RAB27B: variants seen among roughly 807,000 people sequenced by gnomAD.
RAB27B encodes ras-related protein Rab-27B.
A neutral mutation model predicts 24.6 loss-of-function variants in RAB27B; 15 were observed. The observed-to-expected ratio is 0.61, with a 90% confidence interval of 0.41 to 0.94. The LOEUF (loss-of-function observed/expected upper bound fraction) is 0.94. Ranked by LOEUF, RAB27B falls within the 40% of genes least tolerant of loss-of-function variation. The probability of loss-of-function intolerance (pLI) is 0.00; values close to 1 mark genes in which losing one functional copy is unlikely to be tolerated. For missense variants in RAB27B, 261 were observed against 266.8 expected (o/e 0.98, Z 0.15); for synonymous variants, 105 against 92.5 (o/e 1.14, Z -0.78).
chr18:54,812,274 C>T (rs536344439), intron 2 of RAB27B, among the ~76,000 whole-genome samples: 6 of 142,988 alleles, frequency 4.2e-5, no homozygotes, highest in African/African-American at 7.5e-5. Flanking sequence ...TTTGAGTTTC[C>T]GGGTTCTCTT....
intron 2 of RAB27B, among the ~76,000 whole-genome samples, chr18:54,795,619 T>G (rs1909391905): frequency 6.6e-6 from 1 of 152,212 alleles, no homozygotes; most frequent in Non-Finnish European, 1.5e-5. Flanking sequence ...CTAGTAAGTT[T>G]CAATCCTTTG....
intron 2 of RAB27B, among the ~76,000 whole-genome samples, chr18:54,812,398 G>A (rs780837078): frequency 4.6e-5 from 7 of 152,076 alleles, no homozygotes; most frequent in Non-Finnish European, 8.8e-5. Flanking sequence ...GGAGTTTTAC[G>A]AGTAAAGAAA....
At chr18:54,875,404 A>G (rs1912652979) in intron 1 of RAB27B, among the ~76,000 whole-genome samples, 1 of 152,182 alleles carries the variant, frequency 6.6e-6, no homozygotes, top group African/African-American at 2.4e-5. Flanking sequence ...GACATTTTCC[A>G]ATGTCTGTAT....
At chr18:54,818,460 G>T (rs1455930551) in intron 2 of RAB27B, among the ~76,000 whole-genome samples, 1 of 151,988 alleles carries the variant, frequency 6.6e-6, no homozygotes, top group Non-Finnish European at 1.5e-5. Context: ...AAATGATGAA[G>T]TTCCATATTT....
chr18:54,839,898 C>T (rs1911041522), intron 1 of RAB27B, among the ~76,000 whole-genome samples: 1 of 152,152 alleles, frequency 6.6e-6, no homozygotes, highest in Non-Finnish European at 1.5e-5. Context: ...TACACTATAG[C>T]ATAATGTCTA....
At chr18:54,813,834 A>ATT (rs960665312) in intron 2 of RAB27B, among the ~76,000 whole-genome samples, 1 of 152,004 alleles carries the variant, frequency 6.6e-6, no homozygotes, top group Admixed American at 6.6e-5. Flanking sequence ...CCAGGTTATC[A>ATT]TTTTTTTTAA....
chr18:54,850,689 G>A (rs1483716530), intron 1 of RAB27B, among the ~76,000 whole-genome samples: 2 of 151,388 alleles, frequency 1.3e-5, no homozygotes, highest in Admixed American at 6.6e-5. Context: ...TTTTGCCAGT[G>A]TGTCATGTTT....
Position 54,795,436 on chromosome 18 carries a change from C to CCAAGGGGATGGG in RAB27B, c.-20+77296_-20+77307dup, listed in dbSNP as rs140102018. On this transcript the variant is annotated intron_variant, in intron 2 of 4. Transcript: ENST00000586570. ...GAAAGGCTTTGATCAGGTGCTACAG[C>CCAAGGGGATGGG]CAAGGGGATGGGAGATCAGTCTCAA... Among the ~76,000 whole-genome samples, 632 of 152,204 alleles carry CCAAGGGGATGGG rather than the reference C, an allele frequency of 4.2e-3. 4 individuals carry two copies. The highest frequency in any genetic ancestry group is 0.014 in the African/African-American group (595 of 41,514).
At chr18:54,731,164 A>G (rs1269844892) in intron 2 of RAB27B, among the ~76,000 whole-genome samples, 1 of 152,220 alleles carries the variant, frequency 6.6e-6, no homozygotes, top group Non-Finnish European at 1.5e-5. Context: ...TTAAAGCAGA[A>G]AAAATTTAGG....
At chr18:54,863,734 T>C (rs1443095205) in intron 1 of RAB27B, among the ~76,000 whole-genome samples, 1 of 152,228 alleles carries the variant, frequency 6.6e-6, no homozygotes, top group East Asian at 1.9e-4. Flanking sequence ...ATTTATCTAT[T>C]CTGGGTATTT....
rs756518879 is a variant in RAB27B, at chr18:54,879,473, A to G, written c.239+19A>G. ...AAGAGCGGTAATAGTAAATTGCTTT[A>G]TTTGTGGCTACACATAGCTTAGAAA... On this transcript the variant is annotated intron_variant, in intron 3 of 5. Transcript: ENST00000262094. The G allele has an allele frequency of 1.3e-6, 2 of 1,584,298 alleles. No homozygotes were observed. Among genetic ancestry groups the G allele is most frequent in the Non-Finnish European group, 1.7e-6 (2 of 1,153,056 alleles).
intron 2 of RAB27B, among the ~76,000 whole-genome samples, chr18:54,787,740 A>C (rs151337189): frequency 1.3e-3 from 204 of 152,294 alleles, no homozygotes; most frequent in Non-Finnish European, 2.3e-3. Flanking sequence ...AAAAAAAAAA[A>C]AAACCTTCTC....
At chr18:54,740,655 A>G (rs1017739242) in intron 2 of RAB27B, among the ~76,000 whole-genome samples, 1 of 152,182 alleles carries the variant, frequency 6.6e-6, no homozygotes, top group Non-Finnish European at 1.5e-5. Flanking sequence ...AGAGCTTTCT[A>G]ATTAGTTAGA....
chr18:54,846,109 AG>A (rs1568093716), intron 1 of RAB27B, among the ~76,000 whole-genome samples: 1 of 152,182 alleles, frequency 6.6e-6, no homozygotes, highest in Non-Finnish European at 1.5e-5. Context: ...CCCCATGGTC[AG>A]CGCTTGAGGG....
At chr18:54,756,188 C>A (rs1320363910) in intron 2 of RAB27B, among the ~76,000 whole-genome samples, 1 of 152,080 alleles carries the variant, frequency 6.6e-6, no homozygotes, top group Non-Finnish European at 1.5e-5. Context: ...CTCCATTGTA[C>A]AAAAATCAAC....
intron 2 of RAB27B, among the ~76,000 whole-genome samples, chr18:54,792,200 C>T (rs928442912): frequency 6.6e-6 from 1 of 152,210 alleles, no homozygotes; most frequent in Non-Finnish European, 1.5e-5. Context: ...CCCCTAGGCA[C>T]TGCCGTGAGG....
intron 2 of RAB27B, among the ~76,000 whole-genome samples, chr18:54,728,183 A>G (rs1160126555): frequency 6.6e-6 from 1 of 152,128 alleles, no homozygotes; most frequent in East Asian, 1.9e-4. Context: ...CTCCAGAAAA[A>G]TTCACTTCCT....
intron 1 of RAB27B, among the ~76,000 whole-genome samples, chr18:54,829,521 T>C (rs1203779661): frequency 1.3e-5 from 2 of 152,222 alleles, no homozygotes; most frequent in East Asian, 3.8e-4. Flanking sequence ...AGTAATAACA[T>C]AAATTTCAAG....
chr18:54,871,903 G>A (rs12957576), intron 1 of RAB27B, among the ~76,000 whole-genome samples: 45,274 of 150,582 alleles, frequency 0.3, 6,860 homozygotes, highest in East Asian at 0.47. Flanking sequence ...AATTTAATAC[G>A]TTAAAGTCAC....
Sources: allele counts gnomAD v4.1 joint callset (sites outside exome capture counted in the v4.1 genomes callset), GRCh38; gene constraint gnomAD v4.1.1; transcripts MANE v1.5; gene names NCBI Gene and HGNC (gene_info 2026-07-23, HGNC 2026-07-21).